ARMC8: variants seen among roughly 807,000 people sequenced by gnomAD.
The protein encoded by ARMC8 is armadillo repeat containing 8.
ARMC8 carries 20 observed loss-of-function variants against 99.3 expected under a neutral mutation model. The ratio of observed to expected loss-of-function variants is 0.20; its 90% CI spans 0.14 to 0.29. The LOEUF is 0.29. Ranked by LOEUF, ARMC8 falls within the 10% of genes least tolerant of loss-of-function variation. The pLI is 1.00. For synonymous variants in ARMC8, 263 were observed against 278.3 expected (o/e 0.95, Z 0.55); for missense variants, 569 against 809.5 (o/e 0.70, Z 3.60).
intron 1 of ARMC8, among the ~76,000 whole-genome samples, chr3:138,208,806 G>C (rs1331335893): frequency 6.6e-6 from 1 of 152,040 alleles, no homozygotes; most frequent in Non-Finnish European, 1.5e-5. Flanking sequence ...TTAAAAAAGA[G>C]TTACCCTCCA....
chr3:138,195,605 G>T (rs2043685655), intron 1 of ARMC8, among the ~76,000 whole-genome samples: 1 of 152,076 alleles, frequency 6.6e-6, no homozygotes, highest in African/African-American at 2.4e-5. Flanking sequence ...CAGTGATTCT[G>T]ACTTGTATGT....
intron 5 of ARMC8, among the ~76,000 whole-genome samples, chr3:138,224,053 A>G (rs963562451): frequency 1.4e-5 from 2 of 146,492 alleles, no homozygotes; most frequent in Non-Finnish European, 3.0e-5. Context: ...TCACCCTGCC[A>G]GGTTTAAGCA....
intron 12 of ARMC8, chr3:138,262,472 T>C (rs1359477936): frequency 6.5e-7 from 1 of 1,549,636 alleles, no homozygotes; most frequent in African/African-American, 1.4e-5. Flanking sequence ...CTCTTCTTGT[T>C]TGGCTGAAAC....
chr3:138,283,894 G>A (rs148083527), intron 18 of ARMC8, among the ~76,000 whole-genome samples: 109 of 152,224 alleles, frequency 7.2e-4, no homozygotes, highest in African/African-American at 2.5e-3. Context: ...AAGTTAAAAG[G>A]TCCTAAGTGC....
chr3:138,258,204 G>T (rs1010351878), intron 12 of ARMC8, among the ~76,000 whole-genome samples: 1 of 152,170 alleles, frequency 6.6e-6, no homozygotes, highest in African/African-American at 2.4e-5. Context: ...GAAGTTTGCT[G>T]ACACCACTGA....
At chr3:138,191,157 T>C (rs1046927607) in intron 1 of ARMC8, among the ~76,000 whole-genome samples, 3 of 152,206 alleles carry the variant, frequency 2.0e-5, no homozygotes, top group Non-Finnish European at 4.4e-5. Flanking sequence ...TAACACTTTG[T>C]CTTGCAAATC....
intron 18 of ARMC8, among the ~76,000 whole-genome samples, chr3:138,281,949 T>C (rs150923713): frequency 3.2e-4 from 48 of 152,330 alleles, no homozygotes; most frequent in African/African-American, 1.1e-3. Context: ...TACTTCCTCT[T>C]AAGCTGCTCT....
At chr3:138,191,267 C>G (rs530267374) in intron 1 of ARMC8, among the ~76,000 whole-genome samples, 17 of 152,320 alleles carry the variant, frequency 1.1e-4, no homozygotes, top group African/African-American at 3.1e-4. Context: ...CCCCATCCCT[C>G]TTTGGTTTGC....
chr3:138,267,893 G>T (rs2048422221), intron 15 of ARMC8, among the ~76,000 whole-genome samples: 1 of 152,172 alleles, frequency 6.6e-6, no homozygotes, highest in African/African-American at 2.4e-5. Context: ...GAATTTATTT[G>T]CTGCATTATA....
intron 17 of ARMC8, among the ~76,000 whole-genome samples, chr3:138,274,076 C>G (rs2049036634): frequency 6.6e-6 from 1 of 152,166 alleles, no homozygotes; most frequent in Non-Finnish European, 1.5e-5. Context: ...CCTCGGCCCC[C>G]CAAAGTGCTG....
chr3:138,198,217 A>G (rs927870081), intron 1 of ARMC8, among the ~76,000 whole-genome samples: 11 of 152,092 alleles, frequency 7.2e-5, no homozygotes, highest in African/African-American at 2.2e-4. Flanking sequence ...CAGAAAAAGT[A>G]AAGGCTGCTC....
intron 18 of ARMC8, among the ~76,000 whole-genome samples, chr3:138,280,227 G>C (rs2049749567): frequency 6.6e-6 from 1 of 151,826 alleles, no homozygotes; most frequent in Non-Finnish European, 1.5e-5. Context: ...TTCCTGTTCA[G>C]TCTGACCAGA....
At chr3:138,213,923 G>C (rs1299002519) in intron 2 of ARMC8, among the ~76,000 whole-genome samples, 2 of 152,148 alleles carry the variant, frequency 1.3e-5, no homozygotes, top group East Asian at 3.9e-4. Flanking sequence ...ACAGTGGAGA[G>C]ACCAAGGCGG....
At chr3:138,277,560 A>G (rs2049420468) in intron 18 of ARMC8, among the ~76,000 whole-genome samples, 1 of 152,222 alleles carries the variant, frequency 6.6e-6, no homozygotes, top group Non-Finnish European at 1.5e-5. Context: ...GAAAACAACC[A>G]AACATAAAAC....
At chr3:138,227,555 G>A (rs568425223) in intron 5 of ARMC8, among the ~76,000 whole-genome samples, 1 of 152,172 alleles carries the variant, frequency 6.6e-6, no homozygotes. Flanking sequence ...ACTAACAAAC[G>A]GGGAAGAGAT....
intron 2 of ARMC8, among the ~76,000 whole-genome samples, chr3:138,217,005 G>A (rs905991402): frequency 1.3e-5 from 2 of 152,084 alleles, no homozygotes; most frequent in Admixed American, 6.6e-5. Flanking sequence ...ACCTACCATT[G>A]TGTTACAGTT....
rs1023324401 is a variant in ARMC8, at chr3:138,201,754, C to T, written c.46-8063C>T. The stretch of plus-strand genomic sequence containing the variant: ...GATTACAGGCGTGGGCCACTGCGCC[C>T]GACCTTACCCTTCCCTTTTTCACCT... On this transcript the variant is annotated intron_variant, in intron 1 of 21. Coordinates refer to ENST00000469044, the MANE Select transcript of ARMC8 (RefSeq NM_001363941.2). Among the ~76,000 whole-genome samples the T allele has an allele frequency of 7.2e-5, 11 of 152,228 alleles. 2 individuals carry two copies. The highest frequency in any genetic ancestry group is 5.2e-4 in the Admixed American group (8 of 15,296).
chr3:138,210,325 C>T (rs560826772), intron 2 of ARMC8, among the ~76,000 whole-genome samples: 14 of 152,018 alleles, frequency 9.2e-5, no homozygotes, highest in East Asian at 1.9e-4. Context: ...TTTTAAATTT[C>T]GAATTTAGAA....
chr3:138,257,329 A>G (rs1275278032), intron 12 of ARMC8, among the ~76,000 whole-genome samples: 2 of 152,208 alleles, frequency 1.3e-5, no homozygotes, highest in East Asian at 1.9e-4. Flanking sequence ...GTATGAGGAT[A>G]TACTCAAGAA....
Sources: gnomAD v4.1 joint callset for allele counts (sites outside exome capture counted in the v4.1 genomes callset) on GRCh38, gnomAD v4.1.1 for gene constraint, MANE v1.5 for transcripts, NCBI Gene and HGNC (gene_info 2026-07-23, HGNC 2026-07-21) for gene names.